The following CCDC51 variants were observed in gnomAD, a reference collection of about 807,000 sequenced individuals.
CCDC51 encodes the protein mitochondrial potassium channel.
CCDC51 carries 25 observed loss-of-function variants against 24.8 expected under a neutral mutation model. The ratio of observed to expected loss-of-function variants is 1.01; its 90% confidence interval spans 0.73 to 1.41. CCDC51 has a LOEUF of 1.41. Ranked by LOEUF, CCDC51 falls within the 40% of genes most tolerant of loss-of-function variation. The probability of loss-of-function intolerance (pLI) is 0.00; values close to 1 mark genes in which losing one functional copy is unlikely to be tolerated. For synonymous variants in CCDC51, 190 were observed against 204.3 expected, an observed-to-expected ratio of 0.93 and a Z score of 0.60; for missense variants, 466 against 519.1, an observed-to-expected ratio of 0.90 and a Z score of 0.99.
upstream of CCDC51, chr3:48,440,714 C>A: frequency 8.2e-7 from 1 of 1,213,914 alleles, no homozygotes; most frequent in South Asian, 1.3e-5. Flanking sequence ...TTTTTCCTGC[C>A]TCCTGAACTG....
upstream of CCDC51, among the ~76,000 whole-genome samples, chr3:48,441,410 T>G (rs142599343): frequency 6.9e-3 from 1,041 of 151,734 alleles, 15 homozygotes; most frequent in African/African-American, 0.024. Context: ...CTCGAACTCC[T>G]GACTTCAAGT....
At chr3:48,444,970 T>C (rs2039640287), upstream of CCDC51, 1 of 152,206 alleles carries the variant, frequency 6.6e-6, no homozygotes, top group Non-Finnish European at 1.5e-5. Context: ...TGCCCCTCAA[T>C]AAATGCAAAG....
intron 1 of CCDC51, among the ~76,000 whole-genome samples, chr3:48,436,105 C>G (rs947817123): frequency 6.6e-6 from 1 of 152,122 alleles, no homozygotes; most frequent in Non-Finnish European, 1.5e-5. Flanking sequence ...ACCCATTTTC[C>G]CAGAAAAAGC....
intron 1 of CCDC51, chr3:48,438,166 C>CTTAT (rs2107145954): frequency 6.6e-6 from 1 of 152,284 alleles, no homozygotes; most frequent in Admixed American, 6.5e-5. Flanking sequence ...AGACTCCTCT[C>CTTAT]TTATCCAGTC....
At chr3:48,439,773 A>G (rs1051274496) in intron 1 of CCDC51, among the ~76,000 whole-genome samples, 1 of 152,234 alleles carries the variant, frequency 6.6e-6, no homozygotes, top group African/African-American at 2.4e-5. Context: ...CCATTTTCAT[A>G]GATGAACAAA....
At chr3:48,440,910 A>C (rs966063419), upstream of CCDC51, 1 of 515,244 alleles carries the variant, frequency 1.9e-6, no homozygotes, top group Non-Finnish European at 3.4e-6. Flanking sequence ...ACGCAGATTC[A>C]CAGTTAAGTT....
chr3:48,435,616 T>G lies in CCDC51; in HGVS notation c.-8-480A>C, dbSNP rs947624498. ...AGGAAGACTAAGATCCAGGATCATT[T>G]CTGTAAAACAGCCTCAAAACCAACT... On this transcript the variant is annotated intron_variant, in intron 1 of 3. Coordinates refer to ENST00000395694, the MANE Select transcript of CCDC51 (RefSeq NM_001256964.2). The surrounding 1 kb of genome is among the most constrained non-coding windows in gnomAD (Gnocchi z 4.2). Among the ~76,000 whole-genome samples the G allele has an allele frequency of 6.6e-6, 1 of 152,130 alleles. No homozygotes were observed. Among genetic ancestry groups the G allele is most frequent in the Non-Finnish European group, 1.5e-5 (1 of 68,026 alleles).
chr3:48,432,387 C>T lies in CCDC51; in HGVS notation c.*21G>A, dbSNP rs749954361. 4.3e-6 allele frequency: 7 copies of T among 1,612,506 alleles called. No individual in the cohort carries two copies. Among genetic ancestry groups the T allele is most frequent in the Non-Finnish European group, 5.9e-6 (7 of 1,178,774 alleles). Reference sequence around the variant, plus strand: ...ACATTCACAGCTATTGCCTCAGACCCTCTGGAGGAGGGGCCAGGGGTTAGC... The same window carrying T: ...ACATTCACAGCTATTGCCTCAGACCTTCTGGAGGAGGGGCCAGGGGTTAGC... On this transcript the variant is annotated 3_prime_UTR_variant, in exon 4 of 4. Coordinates refer to ENST00000395694, the MANE Select transcript of CCDC51 (RefSeq NM_001256964.2).
In CCDC51 at chr3:48,435,391, A is replaced by G. The variant is rs2039321670; in HGVS notation, c.-8-255T>C. ...GCCATACCTTCCAGTGCCCGCCACC[A>G]TGCCACACAAAGCGGACCCTTCCCT... On this transcript the variant is annotated intron_variant, in intron 1 of 3. Coordinates refer to ENST00000395694, the MANE Select transcript of CCDC51 (RefSeq NM_001256964.2). This position sits in a 1 kb window ranked among gnomAD's most constrained non-coding sequence, Gnocchi z 4.2. Among the ~76,000 whole-genome samples the G allele has an allele frequency of 6.6e-6, 1 of 152,148 alleles. No homozygotes were observed. The highest frequency in any genetic ancestry group is 2.1e-4 in the South Asian group (1 of 4,830).
In CCDC51 at chr3:48,432,312, T is replaced by C. The variant is rs530422704; in HGVS notation, c.*96A>G. Reference sequence around the variant, plus strand: ...ATACTGCTCCTTCAGATTGAGGTTGTACATGCCCCCAAAGGCTCGCTTCAT... The same window carrying C: ...ATACTGCTCCTTCAGATTGAGGTTGCACATGCCCCCAAAGGCTCGCTTCAT... On this transcript the variant is annotated 3_prime_UTR_variant, in exon 4 of 4. Coordinates refer to ENST00000395694, the MANE Select transcript of CCDC51 (RefSeq NM_001256964.2). The C allele has an allele frequency of 2.1e-5, 30 of 1,451,194 alleles. No individual in the cohort carries two copies. The highest frequency in any genetic ancestry group is 2.3e-4 in the Middle Eastern group (1 of 4,290). 89.9% of individuals were successfully genotyped at this position (1,451,194 alleles called of 1,614,324 possible). A position where few individuals can be genotyped will look rare whatever the true frequency, so the allele number is the denominator to read the frequency against.
intron 1 of CCDC51, among the ~76,000 whole-genome samples, chr3:48,439,029 C>A (rs866737361): frequency 3.3e-5 from 5 of 152,172 alleles, no homozygotes; most frequent in African/African-American, 4.8e-5. Context: ...GTGCTGCTCG[C>A]TCCCTCACCT....
chr3:48,432,894 T>C lies in CCDC51; in HGVS notation c.750A>G (p.Glu250=). ...GCTGGCGGGAGTAGCTAGACGCCTG[T>C]TCTCGAATGGCCTCTTGGAGACTCA... ...GPVSLQEAIR[E]QASSYSRQQR... Residue 250 remains glutamate, a synonymous_variant, in exon 4 of 4, where the codon GAA becomes GAG. Transcript: ENST00000395694. The C allele has an allele frequency of 1.9e-6, 3 of 1,614,042 alleles. No homozygotes were observed. Among genetic ancestry groups the C allele is most frequent in the Non-Finnish European group, 2.5e-6 (3 of 1,180,030 alleles).
chr3:48,438,548 G>A (rs1276485698), intron 1 of CCDC51, among the ~76,000 whole-genome samples: 1 of 151,992 alleles, frequency 6.6e-6, no homozygotes, highest in Non-Finnish European at 1.5e-5. Flanking sequence ...CATCACCCCT[G>A]ATTCCTCATT....
chr3:48,446,132 A>T, the CCDC51 span: 1 of 151,826 alleles, frequency 6.6e-6, no homozygotes, highest in Non-Finnish European at 1.5e-5. Flanking sequence ...ACCAGAGCTT[A>T]GGAAAAAAAA....
In CCDC51 at chr3:48,434,809, C is replaced by G; in HGVS notation, c.312+8G>C. ...GGCGGGGCCAGCCACCCCAGCTCCCCTCCTCACCTCTGTCACCTTTCCCTG... is the reference window on the plus strand; with the variant it reads ...GGCGGGGCCAGCCACCCCAGCTCCCGTCCTCACCTCTGTCACCTTTCCCTG... On this transcript the variant is annotated splice_region_variant and intron_variant, in intron 2 of 3. Coordinates refer to ENST00000395694, the MANE Select transcript of CCDC51 (RefSeq NM_001256964.2). 1 of 1,582,476 alleles carries G rather than the reference C, an allele frequency of 6.3e-7. No homozygotes were observed. Among genetic ancestry groups the G allele is most frequent in the Non-Finnish European group, 8.6e-7 (1 of 1,160,784 alleles).
upstream of CCDC51, among the ~76,000 whole-genome samples, chr3:48,442,716 C>T (rs542499926): frequency 1.6e-4 from 24 of 152,212 alleles, no homozygotes; most frequent in African/African-American, 5.5e-4. Flanking sequence ...TCCCAAAGTG[C>T]TGGGATTACA....
chr3:48,436,803 G>A (rs1257497139), intron 1 of CCDC51, among the ~76,000 whole-genome samples: 1 of 152,140 alleles, frequency 6.6e-6, no homozygotes. Context: ...TTAGACCCCA[G>A]CAAAGTCACC....
In CCDC51 at chr3:48,432,412, C is replaced by A. The variant is rs1449849729; in HGVS notation, c.1232G>T (p.Ser411Ile). ...LPVLYMLFKA[S>I] is the part of the protein sequence containing the mutation. ...CTCTGGAGGAGGGGCCAGGGGTTAG[C>A]TGGCTTTGAATAGCATGTAGAGCAC... The change falls in exon 4 of 4, where the codon AGC becomes ATC. Residue 411 changes from serine to isoleucine, a missense_variant. Coordinates refer to ENST00000395694, the MANE Select transcript of CCDC51 (RefSeq NM_001256964.2). 1.2e-6 allele frequency: 2 copies of A among 1,613,804 alleles called. No homozygotes were observed. The highest frequency in any genetic ancestry group is 1.7e-6 in the Non-Finnish European group (2 of 1,179,796).
At chr3:48,440,284 G>A, upstream of CCDC51, 1 of 1,601,356 alleles carries the variant, frequency 6.2e-7, no homozygotes. Context: ...CTGGGGAAGC[G>A]GCGGCAGGCG....
Sources: gnomAD v4.1 joint callset for allele counts (sites outside exome capture counted in the v4.1 genomes callset) on GRCh38, gnomAD v4.1.1 for gene constraint, Gnocchi (gnomAD v3.1) non-coding constraint, MANE v1.5 for transcripts, NCBI Gene and HGNC (gene_info 2026-07-23, HGNC 2026-07-21) for gene names.